The following CYP27C1 variants were observed in gnomAD, a reference collection of about 807,000 sequenced individuals.
CYP27C1 encodes the protein cytochrome P450 27C1.
In CYP27C1, 29 loss-of-function variants were observed where a neutral mutation model predicts 40.6. The ratio of observed to expected loss-of-function variants is 0.71; its 90% CI spans 0.53 to 0.97. CYP27C1 has a LOEUF of 0.97. Ranked by LOEUF, CYP27C1 falls within the 50% of genes least tolerant of loss-of-function variation. The pLI, the probability that CYP27C1 is intolerant of heterozygous loss-of-function variation, is 0.00. For synonymous variants in CYP27C1, 198 were observed against 186.8 expected, an observed-to-expected ratio of 1.06 and a Z score of -0.49; for missense variants, 390 against 485.8, an observed-to-expected ratio of 0.80 and a Z score of 1.85.
intron 2 of CYP27C1, chr2:127,205,646 G>A (rs1188533197): frequency 6.1e-6 from 6 of 983,816 alleles, no homozygotes; most frequent in Non-Finnish European, 7.2e-6. Flanking sequence ...TGCTTCCGAA[G>A]CGCTCTGCCC....
chr2:127,203,169 G>GAAA (rs11394846), intron 3 of CYP27C1, among the ~76,000 whole-genome samples: 3 of 133,388 alleles, frequency 2.2e-5, no homozygotes, highest in Non-Finnish European at 3.2e-5. Flanking sequence ...CTTCATCTCA[G>GAAA]AAAAAAAAAA....
At position 127,186,863 on chromosome 2, in the gene CYP27C1, T is replaced by C. The variant is rs868236536; in HGVS notation, c.*408A>G. On this transcript the variant is annotated 3_prime_UTR_variant, in exon 9 of 9. Coordinates refer to ENST00000664447, the MANE Select transcript of CYP27C1 (RefSeq NM_001367502.1). This position sits in a 1 kb window ranked among gnomAD's most constrained non-coding sequence, Gnocchi z 4.5. ...AGTTGAAATTGCCTTCAACTTACTG[T>C]TGATGGCAATTTGAGCCCAGATGCC... The C allele has an allele frequency of 1.3e-5, 2 of 157,322 alleles. No individual in the cohort carries two copies. Among genetic ancestry groups the C allele is most frequent in the Non-Finnish European group, 2.8e-5 (2 of 71,256 alleles). 9.7% of individuals were successfully genotyped at this position (157,322 alleles called of 1,614,324 possible).
intron 1 of CYP27C1, among the ~76,000 whole-genome samples, chr2:127,217,454 C>T (rs1558935743): frequency 6.6e-6 from 1 of 152,208 alleles, no homozygotes; most frequent in Non-Finnish European, 1.5e-5. Flanking sequence ...GCTCATTTGA[C>T]CTTATCATAA....
At position 127,195,251 on chromosome 2, in the gene CYP27C1, G is replaced by T. The variant is rs1406149328; in HGVS notation, c.1214+84C>A. 1.3e-6 allele frequency: 2 copies of T among 1,561,602 alleles called. No homozygotes were observed. Among genetic ancestry groups the T allele is most frequent in the East Asian group, 2.2e-5 (1 of 44,546 alleles). On this transcript the variant is annotated intron_variant, in intron 6 of 8. Coordinates refer to ENST00000664447, the MANE Select transcript of CYP27C1 (RefSeq NM_001367502.1). This position sits in a 1 kb window ranked among gnomAD's most constrained non-coding sequence, Gnocchi z 6.2. Reference sequence around the variant, plus strand: ...TCCTCATCCTGAACAGGTCAGCCGGGGGGGCATTTGGAGGACTTGTTGTGA... The same window carrying T: ...TCCTCATCCTGAACAGGTCAGCCGGTGGGGCATTTGGAGGACTTGTTGTGA...
At position 127,193,080 on chromosome 2, in the gene CYP27C1, C is replaced by G; in HGVS notation, c.1497+14G>C. The G allele has an allele frequency of 6.2e-7, 1 of 1,613,806 alleles. No individual in the cohort carries two copies. Among genetic ancestry groups the G allele is most frequent in the Middle Eastern group, 1.6e-4 (1 of 6,062 alleles). ...GCCGAACCCAAAGGCCAACGTTTGG[C>G]CTCCACGCCCTACCTGGATCACGAC... On this transcript the variant is annotated intron_variant, in intron 8 of 8. Coordinates refer to ENST00000664447, the MANE Select transcript of CYP27C1 (RefSeq NM_001367502.1).
intron 5 of CYP27C1, among the ~76,000 whole-genome samples, chr2:127,198,834 G>A (rs568711769): frequency 5.9e-5 from 9 of 152,298 alleles, no homozygotes; most frequent in African/African-American, 1.2e-4. Context: ...AGATGTTCAC[G>A]CAATGACAGG....
At position 127,193,120 on chromosome 2, in the gene CYP27C1, G is replaced by T. The variant is rs781517924; in HGVS notation, c.1471C>A (p.Leu491Met). 3.1e-6 allele frequency: 5 copies of T among 1,614,216 alleles called. No individual in the cohort carries two copies. Among genetic ancestry groups the T allele is most frequent in the Non-Finnish European group, 4.2e-6 (5 of 1,180,044 alleles). The change falls in exon 8 of 9, where the codon CTG (leucine) becomes ATG (methionine). Residue 491 changes from leucine to methionine, a missense_variant. By Grantham distance (15) the Leu-to-Met change is conservative. Transcript: ENST00000664447. The stretch of plus-strand genomic sequence containing the variant: ...TGGATCACGACGAGGTGAATCTCCA[G>T]TTCTGCAATTCTCCGCCCTATGCAG... ...RSCIGRRIAE[L>M]EIHLVVIQLL...
In CYP27C1 at chr2:127,199,571, G is replaced by T. The variant is rs547993555; in HGVS notation, c.884-32C>A. 5.7e-6 allele frequency: 9 copies of T among 1,582,780 alleles called. No individual in the cohort carries two copies. The South Asian group carries it at 9.1e-5, about 16-fold the overall frequency. On this transcript the variant is annotated intron_variant, in intron 4 of 8. Transcript: ENST00000664447. Reference sequence around the variant, plus strand: ...GAAAACAGTATTTCTTTTGAAAGGAGTTTGGGTTGAGAATCATCTTTTCAG... The same window carrying T: ...GAAAACAGTATTTCTTTTGAAAGGATTTTGGGTTGAGAATCATCTTTTCAG...
intron 1 of CYP27C1, among the ~76,000 whole-genome samples, chr2:127,215,355 C>T (rs1683411504): frequency 6.6e-6 from 1 of 152,100 alleles, no homozygotes; most frequent in Non-Finnish European, 1.5e-5. Flanking sequence ...CTTTTTCTCA[C>T]ACTATATAAA....
At position 127,201,460 on chromosome 2, in the gene CYP27C1, G is replaced by T; in HGVS notation, c.674-129C>A. On this transcript the variant is annotated intron_variant, in intron 3 of 8. Transcript: ENST00000664447. This position sits in a 1 kb window ranked among gnomAD's most constrained non-coding sequence, Gnocchi z 6.0. ...TTCATGAATGAGGCATCGTCCCTCT[G>T]AGGATTTCTCTGCATCCTGAACTGC... 2 of 834,834 alleles carry T rather than the reference G, an allele frequency of 2.4e-6. No homozygotes were observed. The highest frequency in any genetic ancestry group is 3.7e-6 in the Non-Finnish European group (2 of 539,340). The allele number at this position is 834,834 out of a possible 1,614,324, so 51.7% of individuals were successfully genotyped here.
intron 8 of CYP27C1, 64 bp downstream of exon 8, chr2:127,193,030 A>G (rs895269854): frequency 5.9e-5 from 93 of 1,578,886 alleles, no homozygotes; most frequent in Non-Finnish European, 7.8e-5. Context: ...GGAAGTCTTT[A>G]TCCTGTTGTG....
intron 1 of CYP27C1, among the ~76,000 whole-genome samples, chr2:127,215,163 C>T (rs1261446588): frequency 1.3e-5 from 2 of 150,764 alleles, no homozygotes; most frequent in African/African-American, 4.9e-5. Flanking sequence ...TACAAAGCTA[C>T]AGTAACCAAG....
At position 127,219,107 on chromosome 2, in the gene CYP27C1, G is replaced by C. The variant is rs1186188163; in HGVS notation, c.282+882C>G. Among the ~76,000 whole-genome samples, 10 of 152,050 alleles carry C rather than the reference G, an allele frequency of 6.6e-5. No individual in the cohort carries two copies. The highest frequency in any genetic ancestry group is 1.5e-4 in the Non-Finnish European group (10 of 67,970). ...CGGCACCCCGAGCCTCCGAGCCTCCGTCCCCTCTTCCCCCGCCATTACAAA... is the reference window on the plus strand; with the variant it reads ...CGGCACCCCGAGCCTCCGAGCCTCCCTCCCCTCTTCCCCCGCCATTACAAA... On this transcript the variant is annotated intron_variant, in intron 1 of 8. Coordinates refer to ENST00000664447, the MANE Select transcript of CYP27C1 (RefSeq NM_001367502.1). This position sits in a 1 kb window ranked among gnomAD's most constrained non-coding sequence, Gnocchi z 8.7.
At chr2:127,204,762 G>A (rs1209668102) in intron 2 of CYP27C1, among the ~76,000 whole-genome samples, 1 of 152,134 alleles carries the variant, frequency 6.6e-6, no homozygotes, top group African/African-American at 2.4e-5. Flanking sequence ...CCCAGTGAAG[G>A]CAGGACGCTG....
chr2:127,210,064 T>C (rs1205379426), intron 1 of CYP27C1, among the ~76,000 whole-genome samples: 2 of 152,152 alleles, frequency 1.3e-5, no homozygotes, highest in Non-Finnish European at 2.9e-5. Context: ...CACATAGTCA[T>C]CAGATTCTTC....
chr2:127,188,145 G>A (rs1157410338), intron 8 of CYP27C1, among the ~76,000 whole-genome samples: 1 of 152,172 alleles, frequency 6.6e-6, no homozygotes, highest in Admixed American at 6.5e-5. Flanking sequence ...CAGCCCATTT[G>A]GAAAGGGCAG....
At chr2:127,214,497 G>T (rs775579997) in intron 1 of CYP27C1, among the ~76,000 whole-genome samples, 8 of 152,172 alleles carry the variant, frequency 5.3e-5, no homozygotes, top group Non-Finnish European at 1.2e-4. Flanking sequence ...TCATAAAAAG[G>T]AATGAGATCA....
At chr2:127,210,044 A>G (rs1683306831) in intron 1 of CYP27C1, among the ~76,000 whole-genome samples, 1 of 152,202 alleles carries the variant, frequency 6.6e-6, no homozygotes, top group African/African-American at 2.4e-5. Context: ...CATTAAGATC[A>G]ACCCCAAGAC....
chr2:127,199,334 T>C (rs1682976049), intron 5 of CYP27C1, 42 bp downstream of exon 5: 1 of 1,601,878 alleles, frequency 6.2e-7, no homozygotes, highest in Non-Finnish European at 8.5e-7. Context: ...GAGGAAGGGG[T>C]TATCGTGTGT....
Sources: allele counts gnomAD v4.1 joint callset (sites outside exome capture counted in the v4.1 genomes callset), GRCh38; gene constraint gnomAD v4.1.1; non-coding constraint Gnocchi (gnomAD v3.1); transcripts MANE v1.5; gene names NCBI Gene and HGNC (gene_info 2026-07-23, HGNC 2026-07-21).